The following CNTN5 variants were observed in gnomAD, a reference collection of about 807,000 sequenced individuals.
The protein encoded by CNTN5 is contactin-5.
A neutral mutation model predicts 129.1 loss-of-function variants in CNTN5; 77 were observed. The ratio of observed to expected loss-of-function variants is 0.60; its 90% confidence interval spans 0.50 to 0.72. CNTN5 has a LOEUF of 0.72. Ranked by LOEUF, CNTN5 falls within the 30% of genes least tolerant of loss-of-function variation. The pLI is 0.00. For missense variants in CNTN5, 1,478 were observed against 1,328.8 expected, an observed-to-expected ratio of 1.11 and a Z score of -1.75; for synonymous variants, 509 against 465.6, an observed-to-expected ratio of 1.09 and a Z score of -1.20.
chr11:99,355,962 G>A (rs1938632588), intron 2 of CNTN5, among the ~76,000 whole-genome samples: 1 of 152,036 alleles, frequency 6.6e-6, no homozygotes, highest in African/African-American at 2.4e-5. Flanking sequence ...AAGTAGCTGG[G>A]ACTACATGTG....
chr11:100,214,767 A>G (rs1327406121), intron 15 of CNTN5, among the ~76,000 whole-genome samples: 1 of 152,168 alleles, frequency 6.6e-6, no homozygotes, highest in Non-Finnish European at 1.5e-5. Context: ...TGTAGGTACC[A>G]CATTATTTTA....
rs555238033 is a variant in CNTN5, at chr11:99,202,525, A to G, written c.-209-122821A>G. The stretch of plus-strand genomic sequence containing the variant: ...CTAAAAGTAAAATCAAGGACATCTT[A>G]AGATGGCTTTAATTAACATTCTTAG... On this transcript the variant is annotated intron_variant, in intron 1 of 24. Coordinates refer to ENST00000524871, the MANE Select transcript of CNTN5 (RefSeq NM_014361.4). Among the ~76,000 whole-genome samples the G allele has an allele frequency of 9.0e-4, 137 of 152,328 alleles. 1 individual carries two copies. The highest frequency in any genetic ancestry group is 3.2e-3 in the African/African-American group (132 of 41,594).
intron 3 of CNTN5, among the ~76,000 whole-genome samples, chr11:99,801,379 G>C (rs1238388954): frequency 6.6e-6 from 1 of 151,988 alleles, no homozygotes; most frequent in Non-Finnish European, 1.5e-5. Flanking sequence ...CCTTAGCATT[G>C]ACTTTGGACA....
At chr11:99,836,129 TTTTTTTTTTAATTTTTC>T (rs975149210) in intron 4 of CNTN5, among the ~76,000 whole-genome samples, 14 of 151,798 alleles carry the variant, frequency 9.2e-5, no homozygotes, top group Admixed American at 2.0e-4. Context: ...CCCTTGTTTT[TTTTTTTTTTAATTTTTC>T]TTTTTTTTTA....
chr11:99,646,164 GTTTA>G (rs1412548591), intron 3 of CNTN5, among the ~76,000 whole-genome samples: 1 of 152,092 alleles, frequency 6.6e-6, no homozygotes, highest in Non-Finnish European at 1.5e-5. Context: ...GCTCTGTTTT[GTTTA>G]TTTTGTCGGG....
chr11:99,195,528 G>T (rs1858857968), intron 1 of CNTN5, among the ~76,000 whole-genome samples: 1 of 151,950 alleles, frequency 6.6e-6, no homozygotes, highest in Non-Finnish European at 1.5e-5. Context: ...ATTTTGGGGA[G>T]AGTGTATTTT....
At chr11:99,272,610 T>C (rs967853929) in intron 1 of CNTN5, among the ~76,000 whole-genome samples, 4 of 151,732 alleles carry the variant, frequency 2.6e-5, no homozygotes, top group African/African-American at 9.7e-5. Flanking sequence ...TTTTCTTTTC[T>C]CACATTTAGA....
At chr11:99,531,680 G>A (rs1947712219) in intron 2 of CNTN5, among the ~76,000 whole-genome samples, 2 of 152,172 alleles carry the variant, frequency 1.3e-5, no homozygotes, top group African/African-American at 4.8e-5. Flanking sequence ...TTCCAGCCGT[G>A]GCTGAAAGGG....
intron 3 of CNTN5, among the ~76,000 whole-genome samples, chr11:99,756,391 T>C (rs1944404695): frequency 6.6e-6 from 1 of 152,126 alleles, no homozygotes; most frequent in African/African-American, 2.4e-5. Flanking sequence ...TTGCATAGAT[T>C]AGCATTGCCT....
chr11:100,255,902 G>A lies in CNTN5; in HGVS notation c.2148G>A (p.Trp716Ter). 6.2e-7 allele frequency: 1 copy of A among 1,613,786 alleles called. No homozygotes were observed. The highest frequency in any genetic ancestry group is 8.5e-7 in the Non-Finnish European group (1 of 1,179,808). The change falls in exon 17 of 25, where the codon TGG (tryptophan) becomes TGA (stop). Residue 716 changes from tryptophan (W) to a stop codon, truncating the protein, a stop_gained. Transcript: ENST00000524871. LOFTEE classifies it high-confidence loss of function. Reference protein sequence around the residue: ...LQARSPFSLGWQTVKTVPEII... With the variant: ...LQARSPFSLG ...CTCGCAGCCCATTTTCCCTGGGCTG[G>A]CAAACAGTAAAGACAGGTAAGAGGC...
At chr11:100,147,033 G>A (rs1232556718) in intron 13 of CNTN5, among the ~76,000 whole-genome samples, 1 of 152,020 alleles carries the variant, frequency 6.6e-6, no homozygotes, top group Admixed American at 6.6e-5. Context: ...ACATGTAAAC[G>A]TGATCATGTC....
At chr11:99,175,102 C>T (rs1184148640) in intron 1 of CNTN5, among the ~76,000 whole-genome samples, 2 of 152,032 alleles carry the variant, frequency 1.3e-5, no homozygotes, top group African/African-American at 4.8e-5. Flanking sequence ...GGTATGGTGG[C>T]ATGCACCTGT....
In CNTN5 at chr11:99,257,089, A is replaced by G. The variant is rs913101676; in HGVS notation, c.-209-68257A>G. Among the ~76,000 whole-genome samples, 9 of 152,112 alleles carry G rather than the reference A, an allele frequency of 5.9e-5. No homozygotes were observed. In the South Asian group the frequency reaches 1.7e-3, roughly 28 times the overall value. ...CTGCATTTTTCTCAGGGTCTGTTAC[A>G]TGTGTTAGAGAAGGTGCACATGGTT... On this transcript the variant is annotated intron_variant, in intron 1 of 24. Coordinates refer to ENST00000524871, the MANE Select transcript of CNTN5 (RefSeq NM_014361.4).
intron 3 of CNTN5, among the ~76,000 whole-genome samples, chr11:99,740,819 T>A (rs1943866044): frequency 6.6e-6 from 1 of 152,174 alleles, no homozygotes; most frequent in Non-Finnish European, 1.5e-5. Flanking sequence ...ATAATCTCCC[T>A]TGACACCCTT....
At chr11:99,773,204 C>T (rs1430721293) in intron 3 of CNTN5, among the ~76,000 whole-genome samples, 1 of 151,934 alleles carries the variant, frequency 6.6e-6, no homozygotes, top group Non-Finnish European at 1.5e-5. Flanking sequence ...GCATAGATTG[C>T]AATATTTATC....
At chr11:99,788,256 C>T (rs1254636023) in intron 3 of CNTN5, among the ~76,000 whole-genome samples, 2 of 151,882 alleles carry the variant, frequency 1.3e-5, no homozygotes, top group Non-Finnish European at 2.9e-5. Flanking sequence ...ACTGTCTATT[C>T]CTCAAGTTTA....
intron 2 of CNTN5, among the ~76,000 whole-genome samples, chr11:99,400,647 A>T (rs552122921): frequency 1.5e-4 from 23 of 152,058 alleles, no homozygotes; most frequent in African/African-American, 5.1e-4. Flanking sequence ...TCTTTTGAGG[A>T]CCCTCCAAAC....
chr11:99,707,151 G>A (rs1954791099), intron 3 of CNTN5, among the ~76,000 whole-genome samples: 5 of 151,342 alleles, frequency 3.3e-5, no homozygotes, highest in Admixed American at 3.3e-4. Flanking sequence ...TACATGATGT[G>A]CATTCAGAAT....
At chr11:99,788,540 G>A (rs1945620336) in intron 3 of CNTN5, among the ~76,000 whole-genome samples, 1 of 151,884 alleles carries the variant, frequency 6.6e-6, no homozygotes, top group African/African-American at 2.4e-5. Flanking sequence ...TTAGATTTCT[G>A]TTTTGTTCAG....
Sources: allele counts gnomAD v4.1 joint callset (sites outside exome capture counted in the v4.1 genomes callset), GRCh38; gene constraint gnomAD v4.1.1; transcripts MANE v1.5; gene names NCBI Gene and HGNC (gene_info 2026-07-23, HGNC 2026-07-21).